Variants in SPMIP4 observed in about 807,000 individuals in gnomAD.
SPMIP4 encodes the protein sperm microtubule inner protein 4, also known as sperm-associated microtubule inner protein 4.
At chr7:25,161,917 C>T in the SPMIP4 span, among the ~76,000 whole-genome samples, 1 of 151,758 alleles carries the variant, frequency 6.6e-6, no homozygotes, top group African/African-American at 2.4e-5. Context: ...GTAGGAAGGA[C>T]CTTTAAAACA....
the SPMIP4 span, among the ~76,000 whole-genome samples, chr7:25,153,837 T>A: frequency 6.6e-6 from 1 of 152,238 alleles, no homozygotes; most frequent in Admixed American, 6.5e-5. Context: ...TAACAGCCAG[T>A]ATACTTGATA....
chr7:25,169,427 T>C, the SPMIP4 span, among the ~76,000 whole-genome samples: 1 of 152,126 alleles, frequency 6.6e-6, no homozygotes, highest in Non-Finnish European at 1.5e-5. Context: ...TAATCTACTT[T>C]CTGTAGATTT....
the SPMIP4 span, among the ~76,000 whole-genome samples, chr7:25,137,574 T>C: frequency 1.3e-5 from 2 of 152,140 alleles, no homozygotes; most frequent in Non-Finnish European, 2.9e-5. Flanking sequence ...AAAATCTGAT[T>C]CCTGCCTCTT....
the SPMIP4 span, among the ~76,000 whole-genome samples, chr7:25,155,553 CTTA>C: frequency 2.2e-4 from 33 of 152,222 alleles, no homozygotes; most frequent in South Asian, 6.9e-3. Context: ...ATTACTGTGT[CTTA>C]TTTTAAGAGG....
the SPMIP4 span, among the ~76,000 whole-genome samples, chr7:25,137,415 A>C: frequency 6.6e-6 from 1 of 151,768 alleles, no homozygotes; most frequent in Non-Finnish European, 1.5e-5. Context: ...CTCATGAAAC[A>C]AGTTGCGGAG....
chr7:25,131,162 A>G, the SPMIP4 span, among the ~76,000 whole-genome samples: 1 of 152,222 alleles, frequency 6.6e-6, no homozygotes, highest in East Asian at 1.9e-4. The surrounding 1 kb of genome is among the most constrained non-coding windows in gnomAD (Gnocchi z 4.2). Flanking sequence ...TGCACATGCA[A>G]GGGATCTAGG....
the SPMIP4 span, among the ~76,000 whole-genome samples, chr7:25,154,613 C>T: frequency 6.6e-5 from 10 of 152,336 alleles, no homozygotes; most frequent in African/African-American, 9.6e-5. Context: ...GCTGCATCCA[C>T]GTCCAGACTC....
chr7:25,130,742 AG>A, the SPMIP4 span, among the ~76,000 whole-genome samples: 175 of 152,332 alleles, frequency 1.1e-3, 2 homozygotes, highest in African/African-American at 3.9e-3. Flanking sequence ...AGTTTTGGGA[AG>A]GAAGGAGCTA....
the SPMIP4 span, chr7:25,158,457 T>C: frequency 1.9e-4 from 284 of 1,473,178 alleles, no homozygotes; most frequent in Non-Finnish European, 2.4e-4. Flanking sequence ...AATTTTTTTT[T>C]CTTTGATTAT....
chr7:25,152,815 C>G, the SPMIP4 span, among the ~76,000 whole-genome samples: 2 of 148,604 alleles, frequency 1.3e-5, no homozygotes, highest in Admixed American at 6.7e-5. Context: ...ATGATCTCAG[C>G]TCACTGTAAC....
the SPMIP4 span, among the ~76,000 whole-genome samples, chr7:25,154,390 C>G: frequency 1.3e-5 from 2 of 152,010 alleles, no homozygotes; most frequent in Admixed American, 6.5e-5. Flanking sequence ...TCTCTGTTTA[C>G]GCACATGTGT....
At chr7:25,155,663 TCAATCAA>T in the SPMIP4 span, among the ~76,000 whole-genome samples, 1,010 of 152,214 alleles carry the variant, frequency 6.6e-3, 7 homozygotes, top group African/African-American at 0.021. Flanking sequence ...CTTTAAGCAA[TCAATCAA>T]CAATCAACAA....
chr7:25,165,216 T>A, the SPMIP4 span, among the ~76,000 whole-genome samples: 1 of 152,204 alleles, frequency 6.6e-6, no homozygotes, highest in Non-Finnish European at 1.5e-5. Context: ...CCTTGATGTG[T>A]CTTATATACT....
chr7:25,138,275 A>G, the SPMIP4 span, among the ~76,000 whole-genome samples: 1 of 152,262 alleles, frequency 6.6e-6, no homozygotes, highest in South Asian at 2.1e-4. This position sits in a 1 kb window ranked among gnomAD's most constrained non-coding sequence, Gnocchi z 6.2. Flanking sequence ...AAGTAGTAAT[A>G]AGCTCATAAT....
chr7:25,149,926 C>A, the SPMIP4 span, among the ~76,000 whole-genome samples: 1 of 152,202 alleles, frequency 6.6e-6, no homozygotes, highest in Non-Finnish European at 1.5e-5. Flanking sequence ...GAGTGACCAG[C>A]AAGCACACAG....
At chr7:25,168,897 T>C in the SPMIP4 span, among the ~76,000 whole-genome samples, 1 of 151,928 alleles carries the variant, frequency 6.6e-6, no homozygotes, top group Non-Finnish European at 1.5e-5. Flanking sequence ...GGGTAATTTT[T>C]GCATTTTTAG....
the SPMIP4 span, among the ~76,000 whole-genome samples, chr7:25,165,704 T>C: frequency 6.6e-6 from 1 of 152,232 alleles, no homozygotes; most frequent in African/African-American, 2.4e-5. Flanking sequence ...TGGAATTATC[T>C]GAGGTTATCT....
chr7:25,150,209 G>A, the SPMIP4 span, among the ~76,000 whole-genome samples: 1 of 152,166 alleles, frequency 6.6e-6, no homozygotes, highest in Admixed American at 6.5e-5. Flanking sequence ...AATGTGACAT[G>A]AGGAAAACAG....
the SPMIP4 span, among the ~76,000 whole-genome samples, chr7:25,153,813 A>T: frequency 4.8e-4 from 73 of 152,336 alleles, no homozygotes; most frequent in Admixed American, 5.2e-4. Flanking sequence ...AGAGCTAAGC[A>T]TGGTGCTCGA....
Sources: allele counts gnomAD v4.1 joint callset (sites outside exome capture counted in the v4.1 genomes callset), GRCh38; gene constraint gnomAD v4.1.1; non-coding constraint Gnocchi (gnomAD v3.1); transcripts MANE v1.5; gene names NCBI Gene and HGNC (gene_info 2026-07-23, HGNC 2026-07-21).